NDUFA8: variants seen among roughly 807,000 people sequenced by gnomAD.
NDUFA8 encodes the protein NADH:ubiquinone oxidoreductase subunit A8, also known as NADH dehydrogenase [ubiquinone] 1 alpha subcomplex subunit 8.
A neutral mutation model predicts 20.9 loss-of-function variants in NDUFA8; 16 were observed. The observed-to-expected ratio is 0.77, with a 90% confidence interval of 0.52 to 1.16. The LOEUF (loss-of-function observed/expected upper bound fraction) is 1.16, where lower values mean the gene tolerates loss of function less well. Ranked by LOEUF, NDUFA8 falls within the 50% of genes most tolerant of loss-of-function variation. NDUFA8 has a pLI of 0.00. For synonymous variants in NDUFA8, 70 were observed against 76.1 expected (o/e 0.92, Z 0.41); for missense variants, 202 against 216.4 (o/e 0.93, Z 0.42).
At position 122,150,259 on chromosome 9, in the gene NDUFA8, A is replaced by G. The variant is rs372905456; in HGVS notation, c.216-1982T>C. Among the ~76,000 whole-genome samples the G allele has an allele frequency of 2.6e-5, 4 of 151,936 alleles. No homozygotes were observed. The East Asian group carries it at 7.8e-4, about 30-fold the overall frequency. On this transcript the variant is annotated intron_variant, in intron 2 of 3. Coordinates refer to ENST00000373768, the MANE Select transcript of NDUFA8 (RefSeq NM_014222.3). ...CCCCGTCTCTACTAAAAATACAAAA[A>G]ATTAGCTGGGCGTGGTACTGGGTGC...
At chr9:122,142,338 T>A (rs1055996195), downstream of NDUFA8, among the ~76,000 whole-genome samples, 2 of 152,216 alleles carry the variant, frequency 1.3e-5, no homozygotes, top group African/African-American at 4.8e-5. Context: ...CTTCCTCATG[T>A]CTAAAATCAG....
At chr9:122,157,658 A>C in intron 1 of NDUFA8, among the ~76,000 whole-genome samples, 1 of 81,686 alleles carries the variant, frequency 1.2e-5, no homozygotes, top group East Asian at 3.2e-4. Context: ...ACCCAGCTAC[A>C]TGGGGTGGGG....
chr9:122,142,378 G>A (rs947261822), downstream of NDUFA8, among the ~76,000 whole-genome samples: 4 of 152,128 alleles, frequency 2.6e-5, no homozygotes, highest in African/African-American at 4.8e-5. Flanking sequence ...GCTTCACATC[G>A]GAATAGGCTG....
At chr9:122,135,455 C>T in the NDUFA8 span, among the ~76,000 whole-genome samples, 326 of 152,292 alleles carry the variant, frequency 2.1e-3, no homozygotes, top group Admixed American at 5.0e-3. Context: ...ATGGCCTGGG[C>T]GAGACACTTC....
chr9:122,150,076 T>C (rs1274903595), intron 2 of NDUFA8, among the ~76,000 whole-genome samples: 1 of 152,120 alleles, frequency 6.6e-6, no homozygotes, highest in African/African-American at 2.4e-5. Context: ...TTAAATACTA[T>C]GCATACCAGA....
downstream of NDUFA8, among the ~76,000 whole-genome samples, chr9:122,143,698 A>C (rs1828853407): frequency 1.3e-5 from 2 of 152,146 alleles, no homozygotes; most frequent in Admixed American, 1.3e-4. Context: ...ACTGCATGAG[A>C]CCCTGCTAGG....
chr9:122,148,508 A>G (rs1238711023), intron 2 of NDUFA8, among the ~76,000 whole-genome samples: 1 of 152,220 alleles, frequency 6.6e-6, no homozygotes, highest in Non-Finnish European at 1.5e-5. Flanking sequence ...TATAGTAAGA[A>G]GAAAAGAGTG....
chr9:122,151,306 A>T (rs1277105184), intron 2 of NDUFA8, among the ~76,000 whole-genome samples: 1 of 152,136 alleles, frequency 6.6e-6, no homozygotes, highest in Non-Finnish European at 1.5e-5. Context: ...TGTGGTTTGG[A>T]TGAAGCTAAG....
chr9:122,159,010 C>T (rs529367820), intron 1 of NDUFA8, among the ~76,000 whole-genome samples: 1 of 152,214 alleles, frequency 6.6e-6, no homozygotes, highest in Admixed American at 6.5e-5. Context: ...TGTCTCCCTA[C>T]TGGATTGTAA....
chr9:122,145,547 G>T (rs571925914), intron 3 of NDUFA8, among the ~76,000 whole-genome samples: 62 of 152,314 alleles, frequency 4.1e-4, no homozygotes, highest in Middle Eastern at 6.8e-3. Flanking sequence ...CATCTTCCTA[G>T]ATGTATAAAT....
chr9:122,139,880 G>T (rs551803632), downstream of NDUFA8, among the ~76,000 whole-genome samples: 2 of 152,106 alleles, frequency 1.3e-5, no homozygotes, highest in African/African-American at 4.8e-5. Context: ...TTTTAGTAGA[G>T]AAGGGTTTCC....
chr9:122,155,386 T>C (rs1337719687), intron 1 of NDUFA8, among the ~76,000 whole-genome samples: 2 of 152,260 alleles, frequency 1.3e-5, no homozygotes, highest in Non-Finnish European at 2.9e-5. Flanking sequence ...GCTGTAATTT[T>C]ATTTTTTATG....
At chr9:122,139,748 C>T (rs1364472106), downstream of NDUFA8, among the ~76,000 whole-genome samples, 4 of 152,168 alleles carry the variant, frequency 2.6e-5, no homozygotes, top group Non-Finnish European at 5.9e-5. Context: ...GGCTGGAGTG[C>T]GGTGGCATGA....
At chr9:122,149,047 T>C (rs1270473009) in intron 2 of NDUFA8, among the ~76,000 whole-genome samples, 1 of 152,176 alleles carries the variant, frequency 6.6e-6, no homozygotes, top group Non-Finnish European at 1.5e-5. Flanking sequence ...GAATAAAATA[T>C]CATCATTTTA....
At chr9:122,152,103 T>C in intron 2 of NDUFA8, 142 bp downstream of exon 2, 2 of 924,568 alleles carry the variant, frequency 2.2e-6, no homozygotes, top group Non-Finnish European at 3.3e-6. Context: ...AAAATAATTA[T>C]CATCCTTTGA....
chr9:122,159,067 C>T (rs12335926), intron 1 of NDUFA8, among the ~76,000 whole-genome samples: 2 of 152,056 alleles, frequency 1.3e-5, no homozygotes, highest in African/African-American at 4.8e-5. Flanking sequence ...TATGTGTACA[C>T]GTTAATTACT....
At chr9:122,158,680 T>A (rs1303340590) in intron 1 of NDUFA8, among the ~76,000 whole-genome samples, 1 of 150,766 alleles carries the variant, frequency 6.6e-6, no homozygotes, top group Admixed American at 6.6e-5. Flanking sequence ...TATATATATA[T>A]GACCAATTGT....
the NDUFA8 span, among the ~76,000 whole-genome samples, chr9:122,138,553 T>C: frequency 6.6e-6 from 1 of 152,222 alleles, no homozygotes; most frequent in Non-Finnish European, 1.5e-5. Flanking sequence ...TTATTCTGTA[T>C]AGACCTGATA....
chr9:122,143,970 G>A (rs1407316770), downstream of NDUFA8: 8 of 968,420 alleles, frequency 8.3e-6, no homozygotes, highest in Admixed American at 1.4e-4. Flanking sequence ...AAAGCAAGAG[G>A]AACAGGCAGG....
Sources: allele counts gnomAD v4.1 joint callset (sites outside exome capture counted in the v4.1 genomes callset), GRCh38; gene constraint gnomAD v4.1.1; transcripts MANE v1.5; gene names NCBI Gene and HGNC (gene_info 2026-07-23, HGNC 2026-07-21).